Variants in ATP2C1 observed in about 807,000 individuals in gnomAD.
The protein encoded by ATP2C1 is calcium-transporting ATPase type 2C member 1.
A neutral mutation model predicts 120.5 loss-of-function variants in ATP2C1; 31 were observed. The observed-to-expected ratio is 0.26, with a 90% CI of 0.19 to 0.35. ATP2C1 has a LOEUF of 0.35. Ranked by LOEUF, ATP2C1 falls within the 10% of genes least tolerant of loss-of-function variation. The probability of loss-of-function intolerance (pLI) is 1.00; values close to 1 mark genes in which losing one functional copy is unlikely to be tolerated. For missense variants in ATP2C1, 731 were observed against 1,107.5 expected (o/e 0.66, Z 4.83); for synonymous variants, 351 against 358.7 (o/e 0.98, Z 0.24).
At chr3:130,929,595 G>A (rs1055386755) in intron 2 of ATP2C1, among the ~76,000 whole-genome samples, 3 of 152,198 alleles carry the variant, frequency 2.0e-5, no homozygotes, top group East Asian at 1.9e-4. Context: ...AAGTGTTTTC[G>A]TCTCTTAAGT....
chr3:130,988,330 G>A lies in ATP2C1; in HGVS notation c.1840-4621G>A, dbSNP rs111980367. Among the ~76,000 whole-genome samples, 148 of 151,920 alleles carry A rather than the reference G, an allele frequency of 9.7e-4. 1 individual carries two copies. The highest frequency in any genetic ancestry group is 1.9e-3 in the Non-Finnish European group (127 of 67,984). On this transcript the variant is annotated intron_variant, in intron 20 of 27. Coordinates refer to ENST00000510168, the MANE Select transcript of ATP2C1 (RefSeq NM_001378687.1). ...TTCCATCAAAAGAACTGTGAGTGCT[G>A]ACCACAAATGTGACACTGAAAAGGA...
At chr3:130,941,283 CGCGCGCATGCAT>C (rs2059907682) in intron 7 of ATP2C1, among the ~76,000 whole-genome samples, 1 of 146,494 alleles carries the variant, frequency 6.8e-6, no homozygotes, top group Admixed American at 6.7e-5. Context: ...TGTGCGCGCA[CGCGCGCATGCAT>C]GCGCGTGTCC....
intron 12 of ATP2C1, among the ~76,000 whole-genome samples, chr3:130,962,715 T>TAAAAAAAAA (rs71133621): frequency 8.8e-6 from 1 of 114,214 alleles, no homozygotes. Flanking sequence ...ATGGAAGCAT[T>TAAAAAAAAA]AAAAAAAAAA....
chr3:130,883,014 T>G (rs1047749630), intron 1 of ATP2C1, among the ~76,000 whole-genome samples: 10 of 152,196 alleles, frequency 6.6e-5, no homozygotes, highest in African/African-American at 2.4e-4. Context: ...TTATTATGGC[T>G]TCAATCTTGT....
intron 1 of ATP2C1, chr3:130,856,353 T>C (rs1169368085): frequency 1.3e-5 from 2 of 152,186 alleles, no homozygotes; most frequent in South Asian, 4.1e-4. Flanking sequence ...CTATAAAAAT[T>C]AAGAACTCCC....
At chr3:130,980,866 T>G (rs944094039) in intron 20 of ATP2C1, among the ~76,000 whole-genome samples, 187 bp downstream of exon 20, 1 of 152,206 alleles carries the variant, frequency 6.6e-6, no homozygotes, top group Non-Finnish European at 1.5e-5. Context: ...ATTTATGATA[T>G]GATGTTTATG....
intron 18 of ATP2C1, among the ~76,000 whole-genome samples, chr3:130,978,863 C>A (rs1324413408): frequency 6.6e-6 from 1 of 152,118 alleles, no homozygotes; most frequent in Admixed American, 6.5e-5. Context: ...AAGGTGTTTG[C>A]CTGTTTAAAA....
chr3:130,894,554 T>G lies in ATP2C1; in HGVS notation c.-180-36T>G. On this transcript the variant is annotated intron_variant, in intron 1 of 27. Coordinates refer to ENST00000510168, the MANE Select transcript of ATP2C1 (RefSeq NM_001378687.1). The surrounding 1 kb of genome is among the most constrained non-coding windows in gnomAD (Gnocchi z 4.5). ...TGGGCGGGGAACTCCTTCCTCAGCC[T>G]CTCGTCAGCGCCGCTTCTCCTGGTT... The G allele has an allele frequency of 4.9e-6, 7 of 1,415,682 alleles. No homozygotes were observed. Among genetic ancestry groups the G allele is most frequent in the Non-Finnish European group, 6.4e-6 (7 of 1,085,296 alleles). The allele number at this position is 1,415,682 out of a possible 1,614,324, so 87.7% of individuals were successfully genotyped here.
chr3:130,991,762 G>A (rs2062361875), intron 20 of ATP2C1, among the ~76,000 whole-genome samples: 1 of 152,160 alleles, frequency 6.6e-6, no homozygotes, highest in Non-Finnish European at 1.5e-5. Flanking sequence ...TTGACCTGCA[G>A]TAGATGCATA....
chr3:130,928,830 T>G (rs1014047744), intron 2 of ATP2C1, among the ~76,000 whole-genome samples: 3 of 152,260 alleles, frequency 2.0e-5, no homozygotes, highest in African/African-American at 7.2e-5. Flanking sequence ...TGATTCTTCT[T>G]AATTTTGCTT....
intron 26 of ATP2C1, among the ~76,000 whole-genome samples, chr3:131,013,191 C>T (rs1323510914): frequency 6.6e-6 from 1 of 152,220 alleles, no homozygotes; most frequent in African/African-American, 2.4e-5. Flanking sequence ...CTAATTTTAG[C>T]AGCCTCTATT....
intron 14 of ATP2C1, among the ~76,000 whole-genome samples, chr3:130,966,081 C>T (rs189992805): frequency 2.0e-5 from 3 of 152,198 alleles, no homozygotes; most frequent in East Asian, 1.9e-4. Flanking sequence ...ATGTTGGGTA[C>T]AGTGATTTAA....
chr3:130,967,346 A>G lies in ATP2C1; in HGVS notation c.1235A>G (p.Asn412Ser). The G allele has an allele frequency of 1.2e-6, 2 of 1,613,740 alleles. No individual in the cohort carries two copies. Among genetic ancestry groups the G allele is most frequent in the Middle Eastern group, 1.7e-4 (1 of 6,060 alleles). ...TTTTCTTAGGCGGGCTGTGTGTGCA[A>G]TGATGCTGTAATTAGAAACAATACT... ...SRIVEAGCVC[N>S]DAVIRNNTLM... Residue 412 changes from asparagine (N) to serine (S), a missense_variant, in exon 16 of 28, where the codon AAT becomes AGT. Transcript: ENST00000510168.
At chr3:130,865,791 T>C (rs922318107) in intron 1 of ATP2C1, among the ~76,000 whole-genome samples, 6 of 152,246 alleles carry the variant, frequency 3.9e-5, no homozygotes, top group Non-Finnish European at 2.9e-5. Context: ...GTAAGTCCAA[T>C]TAAACCTCTT....
intron 26 of ATP2C1, among the ~76,000 whole-genome samples, chr3:131,008,623 A>G (rs1040439639): frequency 1.3e-5 from 2 of 152,154 alleles, no homozygotes; most frequent in East Asian, 3.9e-4. Flanking sequence ...GGACTATATG[A>G]CCTGTAAAGC....
chr3:130,950,286 A>G (rs1010138392), intron 8 of ATP2C1, among the ~76,000 whole-genome samples: 2 of 152,132 alleles, frequency 1.3e-5, no homozygotes, highest in African/African-American at 4.8e-5. Context: ...CTGCTTGAAG[A>G]AGAATGAAAG....
intron 14 of ATP2C1, 46 bp downstream of exon 14, chr3:130,965,091 A>G (rs751421919): frequency 1.5e-6 from 2 of 1,376,978 alleles, no homozygotes; most frequent in Non-Finnish European, 2.1e-6. Flanking sequence ...TATCCCTTTA[A>G]GAAACTTGGT....
At chr3:130,871,107 T>C (rs768819570) in intron 1 of ATP2C1, among the ~76,000 whole-genome samples, 4 of 152,168 alleles carry the variant, frequency 2.6e-5, no homozygotes, top group Non-Finnish European at 4.4e-5. Context: ...GGTATATACA[T>C]TTTTTTAGAC....
rs1448986686 is a variant in ATP2C1 at position 130,941,222 on chromosome 3, C to CTGTGTGTG, written c.423-369_423-368insTGTGTGTG. Among the ~76,000 whole-genome samples the CTGTGTGTG allele has an allele frequency of 9.5e-3, 999 of 105,142 alleles. 20 individuals are homozygous for CTGTGTGTG. Among genetic ancestry groups the CTGTGTGTG allele is most frequent in the African/African-American group, 0.032 (928 of 29,172 alleles). 69.0% of individuals were successfully genotyped at this position (105,142 alleles called of 152,430 possible). A position where few individuals can be genotyped will look rare whatever the true frequency, so the allele number is the denominator to read the frequency against. On this transcript the variant is annotated intron_variant, in intron 7 of 27. Transcript: ENST00000510168. ...AGCCACCGCGCCCGGCTGTATTTAA[C>CTGTGTGTG]AGTGTGTGTGTGTGTGTGTGTGTGT...
Sources: gnomAD v4.1 joint callset for allele counts (sites outside exome capture counted in the v4.1 genomes callset) on GRCh38, gnomAD v4.1.1 for gene constraint, Gnocchi (gnomAD v3.1) non-coding constraint, MANE v1.5 for transcripts, NCBI Gene and HGNC (gene_info 2026-07-23, HGNC 2026-07-21) for gene names.